UBE2C: variants seen among roughly 807,000 people sequenced by gnomAD.
UBE2C encodes ubiquitin-conjugating enzyme E2 C.
UBE2C carries 16 observed loss-of-function variants against 23.5 expected under a neutral mutation model. The observed-to-expected ratio is 0.68, with a 90% confidence interval of 0.46 to 1.03. The LOEUF (loss-of-function observed/expected upper bound fraction) is 1.03. Among genes scored for constraint, UBE2C ranks in the 50% least tolerant of loss-of-function variants. The pLI, the probability that UBE2C is intolerant of heterozygous loss-of-function variation, is 0.00. For missense variants in UBE2C, 192 were observed against 227.6 expected (o/e 0.84, Z 1.01); for synonymous variants, 76 against 91.6 (o/e 0.83, Z 0.97).
At chr20:45,813,064 C>T in intron 1 of UBE2C, 3 of 1,409,916 alleles carry the variant, frequency 2.1e-6, no homozygotes, top group Non-Finnish European at 2.8e-6. Flanking sequence ...TGAGACTCTC[C>T]CGAAGGAGAA....
At chr20:45,814,301 A>ATATATATATATAT (rs1568714809) in intron 2 of UBE2C, 83 bp from the exon 3 acceptor site, 1 of 469,698 alleles carries the variant, frequency 2.1e-6, no homozygotes, top group South Asian at 3.4e-5. Flanking sequence ...TATATATATA[A>ATATATATATATAT]AATTAAGGGG....
chr20:45,814,194 AC>A, intron 2 of UBE2C, among the ~76,000 whole-genome samples, 189 bp from the exon 3 acceptor site: 1 of 145,584 alleles, frequency 6.9e-6, no homozygotes, highest in South Asian at 2.2e-4. Context: ...AGATGGCATA[AC>A]CCCATCTATA....
chr20:45,816,615 C>T (rs1459298504), intron 5 of UBE2C, 94 bp from the exon 6 acceptor site: 6 of 1,200,596 alleles, frequency 5.0e-6, no homozygotes, highest in African/African-American at 3.0e-5. Flanking sequence ...CCAGCTTGGT[C>T]AACAGAGTGA....
At position 45,815,673 on chromosome 20, in the gene UBE2C, A is replaced by G; in HGVS notation, c.349A>G (p.Ile117Val). 1 of 1,614,156 alleles carries G rather than the reference A, an allele frequency of 6.2e-7. No homozygotes were observed. Among genetic ancestry groups the G allele is most frequent in the Non-Finnish European group, 8.5e-7 (1 of 1,180,026 alleles). ...CACCCAGGGTAACATATGCCTGGAC[A>G]TCCTGAAGGAAAAGTGGTCTGCCCT... ...VDTQGNICLD[I>V]LKEKWSALYD... The change falls in exon 4 of 6, where the codon ATC becomes GTC. Residue 117 changes from isoleucine to valine, a missense_variant. By Grantham distance (29) the Ile-to-Val change is conservative (BLOSUM62 3). Coordinates refer to ENST00000356455, the MANE Select transcript of UBE2C (RefSeq NM_007019.4).
intron 3 of UBE2C, 195 bp from the exon 4 acceptor site, chr20:45,815,346 C>G (rs1434868202): frequency 8.4e-6 from 13 of 1,550,410 alleles, no homozygotes; most frequent in African/African-American, 1.4e-5. Context: ...TGGTGAAACC[C>G]TGTCTCTAAA....
Position 45,815,597 on chromosome 20 carries a change from C to A in UBE2C, c.273C>A (p.Tyr91Ter), listed in dbSNP as rs1253944197. ...TAGAGTTCCCCAGTGGCTACCCTTA[C>A]AATGCGCCCACAGTGAAGTTCCTCA... ...LSLEFPSGYP[Y>*]NAPTVKFLTP... The change falls in exon 4 of 6, where the codon TAC becomes TAA. Residue 91 changes from tyrosine (Y) to a stop codon, truncating the protein, a stop_gained. Coordinates refer to ENST00000356455, the MANE Select transcript of UBE2C (RefSeq NM_007019.4). LOFTEE classifies it high-confidence loss of function. The A allele has an allele frequency of 6.2e-7, 1 of 1,614,126 alleles. No individual in the cohort carries two copies. The highest frequency in any genetic ancestry group is 1.3e-5 in the African/African-American group (1 of 75,036).
At chr20:45,815,458 TA>T in intron 3 of UBE2C, 82 bp from the exon 4 acceptor site, 1 of 1,614,044 alleles carries the variant, frequency 6.2e-7, no homozygotes, top group Non-Finnish European at 8.5e-7. Context: ...CTCAAGATTC[TA>T]GCAAGCCCCT....
chr20:45,815,273 C>G, intron 3 of UBE2C: 1 of 1,067,702 alleles, frequency 9.4e-7, no homozygotes, highest in South Asian at 1.6e-5. Flanking sequence ...AATCTCAGCA[C>G]TTTGGGAGGC....
At position 45,812,812 on chromosome 20, in the gene UBE2C, T is replaced by TACC; in HGVS notation, c.101+19_101+21dup. On this transcript the variant is annotated intron_variant, in intron 1 of 5. Coordinates refer to ENST00000356455, the MANE Select transcript of UBE2C (RefSeq NM_007019.4). Reference sequence around the variant, plus strand: ...TGGGCAAAAGGTGAGTGATGCGGCCTACCACTCGCCGGGCCTGCCATGCCC... The same window carrying TACC: ...TGGGCAAAAGGTGAGTGATGCGGCCTACCACCACTCGCCGGGCCTGCCATGCCC... The TACC allele has an allele frequency of 6.5e-7, 1 of 1,549,730 alleles. No homozygotes were observed. The highest frequency in any genetic ancestry group is 1.2e-5 in the South Asian group (1 of 84,114).
chr20:45,813,593 C>A, intron 2 of UBE2C, 129 bp downstream of exon 2: 2 of 1,164,600 alleles, frequency 1.7e-6, no homozygotes, highest in Non-Finnish European at 2.6e-6. Flanking sequence ...AGTTCATACA[C>A]CCCACCTACA....
In UBE2C at chr20:45,815,896, T is replaced by G; in HGVS notation, c.464T>G (p.Leu155Arg). The G allele has an allele frequency of 6.2e-7, 1 of 1,613,944 alleles. No individual in the cohort carries two copies. The highest frequency in any genetic ancestry group is 8.5e-7 in the Non-Finnish European group (1 of 1,179,994). The change falls in exon 5 of 6, where the codon CTC (leucine) becomes CGC (arginine). Residue 155 changes from leucine (L) to arginine (R), a missense_variant. Transcript: ENST00000356455. ...CCCTTGAACACACATGCTGCCGAGC[T>G]CTGGAAAAACCCCACAGGTGAGTCC... Reference protein sequence around the residue: ...DSPLNTHAAELWKNPTAFKKY... With the variant: ...DSPLNTHAAERWKNPTAFKKY...
rs1324101765 is a variant in UBE2C at position 45,816,756 on chromosome 20, C to T, written c.529C>T (p.Gln177Ter). ...AACCTACTCAAAGCAGGTCACCAGC[C>T]AGGAGCCCTGACCCAGGCTGCCCAG... is the stretch of plus-strand genomic sequence containing the variant. Reference protein sequence around the residue: ...QETYSKQVTSQEP With the variant: ...QETYSKQVTS The change falls in exon 6 of 6, where the codon CAG (glutamine) becomes TAG (stop). Residue 177 changes from glutamine to a stop codon, truncating the protein, a stop_gained. Transcript: ENST00000356455. LOFTEE classifies it high-confidence loss of function. 4.0e-5 allele frequency: 64 copies of T among 1,613,634 alleles called. No homozygotes were observed. The highest frequency in any genetic ancestry group is 5.3e-5 in the Non-Finnish European group (62 of 1,179,784).
chr20:45,815,418 C>T, intron 3 of UBE2C, 123 bp from the exon 4 acceptor site: 1 of 1,612,360 alleles, frequency 6.2e-7, no homozygotes. Context: ...ACCAGCTCAA[C>T]AGTTTGTCTA....
At chr20:45,816,256 C>A (rs1303642493) in intron 5 of UBE2C, among the ~76,000 whole-genome samples, 2 of 152,198 alleles carry the variant, frequency 1.3e-5, no homozygotes, top group Admixed American at 6.5e-5. Context: ...ATGGGCAGTG[C>A]AGGGAGAATG....
chr20:45,813,982 G>C (rs542930408), intron 2 of UBE2C, among the ~76,000 whole-genome samples: 1 of 151,930 alleles, frequency 6.6e-6, no homozygotes, highest in Non-Finnish European at 1.5e-5. Context: ...GTGCATGCCT[G>C]TAATTTCAGC....
chr20:45,812,997 C>T (rs1982069045), intron 1 of UBE2C: 2 of 1,430,208 alleles, frequency 1.4e-6, no homozygotes, highest in South Asian at 1.5e-5. Context: ...ACTCCCACCT[C>T]CTTGCGCGGG....
chr20:45,815,398 G>A (rs750559851), intron 3 of UBE2C, 143 bp from the exon 4 acceptor site: 1 of 1,597,276 alleles, frequency 6.3e-7, no homozygotes, highest in Non-Finnish European at 8.5e-7. Flanking sequence ...AGGCAGTGGG[G>A]AGCATCAGAA....
intron 3 of UBE2C, 173 bp from the exon 4 acceptor site, chr20:45,815,368 A>G: frequency 6.3e-7 from 1 of 1,575,036 alleles, no homozygotes; most frequent in Non-Finnish European, 8.6e-7. Context: ...TAAAAACTAA[A>G]CTAAAAAAAC....
At chr20:45,813,158 A>G in intron 1 of UBE2C, 1 of 1,404,522 alleles carries the variant, frequency 7.1e-7, no homozygotes, top group Non-Finnish European at 9.2e-7. Context: ...TGGCCGAGAC[A>G]GGGGAAGGGA....
Sources: allele counts gnomAD v4.1 joint callset (sites outside exome capture counted in the v4.1 genomes callset), GRCh38; gene constraint gnomAD v4.1.1; transcripts MANE v1.5; gene names NCBI Gene and HGNC (gene_info 2026-07-23, HGNC 2026-07-21).